FBXL18: variants seen among roughly 807,000 people sequenced by gnomAD.
FBXL18 encodes the protein F-box/LRR-repeat protein 18.
Under a neutral mutation model 46.0 loss-of-function variants are expected in FBXL18, and 36 were observed. The ratio of observed to expected loss-of-function variants is 0.78; its 90% confidence interval spans 0.60 to 1.03. The LOEUF (loss-of-function observed/expected upper bound fraction) is 1.03, where lower values mean the gene tolerates loss of function less well. FBXL18 is among the 50% of genes least tolerant of loss of function. The pLI is 0.00. For missense variants in FBXL18, 977 were observed against 1,004.1 expected (o/e 0.97, Z 0.36); for synonymous variants, 557 against 465.3 (o/e 1.20, Z -2.54).
intron 1 of FBXL18, among the ~76,000 whole-genome samples, chr7:5,506,342 G>A (rs868620419): frequency 1.3e-5 from 2 of 150,334 alleles, no homozygotes; most frequent in Admixed American, 6.7e-5. Context: ...TCCGCCTCCC[G>A]GGTTGAAGCA....
At chr7:5,511,767 C>CAAAAAA in intron 1 of FBXL18, among the ~76,000 whole-genome samples, 1 of 128,768 alleles carries the variant, frequency 7.8e-6, no homozygotes, top group Non-Finnish European at 1.6e-5. Flanking sequence ...GACTCCATCT[C>CAAAAAA]AAAAAAAAAA....
In FBXL18 at chr7:5,501,663, C is replaced by T. The variant is rs1204554615; in HGVS notation, c.606G>A (p.Glu202=). ...TSLEKLLLYF[E]ILDRTREGAI... ...CGCCCTCGCGCGTGCGGTCCAGAATCTCGAAGTAGAGCAGCAGCTTCTCTA... is the reference window on the plus strand; with the variant it reads ...CGCCCTCGCGCGTGCGGTCCAGAATTTCGAAGTAGAGCAGCAGCTTCTCTA... The change falls in exon 3 of 5, where the codon GAG becomes GAA. Residue 202 remains glutamate (E), a synonymous_variant. Transcript: ENST00000382368. 6.2e-7 allele frequency: 1 copy of T among 1,610,630 alleles called. No individual in the cohort carries two copies. Among genetic ancestry groups the T allele is most frequent in the Non-Finnish European group, 8.5e-7 (1 of 1,178,298 alleles).
At chr7:5,472,068 A>G (rs1262343079), downstream of FBXL18, among the ~76,000 whole-genome samples, 2 of 152,166 alleles carry the variant, frequency 1.3e-5, no homozygotes. Context: ...AGCCTGGGTG[A>G]CAGAGCAAGA....
chr7:5,511,353 C>T (rs571628062), intron 1 of FBXL18, among the ~76,000 whole-genome samples: 3 of 151,710 alleles, frequency 2.0e-5, no homozygotes, highest in East Asian at 1.9e-4. Context: ...CCAAGGTGGG[C>T]GGATCACCTG....
At chr7:5,510,411 C>T (rs942004117) in intron 1 of FBXL18, among the ~76,000 whole-genome samples, 2 of 151,426 alleles carry the variant, frequency 1.3e-5, no homozygotes, top group African/African-American at 2.4e-5. Context: ...GAGCCAGGCA[C>T]GGTGGCTCAC....
At chr7:5,475,613 G>A (rs1046121634), downstream of FBXL18, among the ~76,000 whole-genome samples, 3 of 152,178 alleles carry the variant, frequency 2.0e-5, no homozygotes, top group Non-Finnish European at 2.9e-5. This position sits in a 1 kb window ranked among gnomAD's most constrained non-coding sequence, Gnocchi z 4.2. Flanking sequence ...CCTGGGGAGT[G>A]TCTGCCCCCC....
At chr7:5,460,959 G>A (rs1461830734) in intron 4 of FBXL18, among the ~76,000 whole-genome samples, 1 of 152,214 alleles carries the variant, frequency 6.6e-6, no homozygotes, top group African/African-American at 2.4e-5. Context: ...GTGCTACTGG[G>A]AAACAGGGCT....
chr7:5,495,795 GA>G (rs1562695944), intron 3 of FBXL18: 1 of 473,818 alleles, frequency 2.1e-6, no homozygotes, highest in South Asian at 1.5e-5. Flanking sequence ...CCTTGCCGCA[GA>G]AGGCAGGAAT....
intron 1 of FBXL18, among the ~76,000 whole-genome samples, chr7:5,506,795 G>A (rs1173118272): frequency 6.6e-6 from 1 of 152,148 alleles, no homozygotes; most frequent in Non-Finnish European, 1.5e-5. Context: ...GGCTTCGAGT[G>A]ATCTGCCCTC....
At chr7:5,510,041 CGT>C (rs1784490057) in intron 1 of FBXL18, among the ~76,000 whole-genome samples, 1 of 152,018 alleles carries the variant, frequency 6.6e-6, no homozygotes, top group African/African-American at 2.4e-5. Context: ...GTAGCTCATG[CGT>C]GTAATTCCAG....
At chr7:5,490,025 C>T in intron 4 of FBXL18, 1 of 1,320,308 alleles carries the variant, frequency 7.6e-7, no homozygotes, top group Non-Finnish European at 1.0e-6. Context: ...GTTTTTACAA[C>T]CAGAGAGGGG....
chr7:5,472,513 G>T (rs78608366), downstream of FBXL18, among the ~76,000 whole-genome samples: 2 of 152,124 alleles, frequency 1.3e-5, no homozygotes, highest in East Asian at 3.9e-4. Context: ...GAGACCACAT[G>T]GAGAGGCCAC....
intron 1 of FBXL18, 131 bp from the exon 2 acceptor site, chr7:5,505,761 C>T (rs1159543259): frequency 2.9e-6 from 2 of 693,702 alleles, no homozygotes; most frequent in Non-Finnish European, 2.4e-6. Flanking sequence ...AAACTCTCAA[C>T]TGAATGACAA....
chr7:5,500,527 G>C lies in FBXL18; in HGVS notation c.1742C>G (p.Ser581Ter). Residue 581 changes from serine (S) to a stop codon, truncating the protein, a stop_gained, in exon 3 of 5, where the codon TCA (serine) becomes TGA (stop). Coordinates refer to ENST00000382368, the MANE Select transcript of FBXL18 (RefSeq NM_024963.6). LOFTEE classifies it high-confidence loss of function. ...CCGCTTGCAGTGCTTCAACATGTCT[G>C]AGAGCGCGGGCATGTACACCACCTT... ...MGKVVYMPAL[S>*]DMLKHCKRLR... is the part of the protein sequence containing the mutation. 1 of 1,612,412 alleles carries C rather than the reference G, an allele frequency of 6.2e-7. No homozygotes were observed. Among genetic ancestry groups the C allele is most frequent in the Non-Finnish European group, 8.5e-7 (1 of 1,179,106 alleles).
At chr7:5,460,036 G>T (rs1427640789) in intron 4 of FBXL18, among the ~76,000 whole-genome samples, 2 of 152,218 alleles carry the variant, frequency 1.3e-5, no homozygotes. Flanking sequence ...GAGGCGGAAG[G>T]CTTGCTTGAG....
At chr7:5,466,378 C>A (rs982618796) in intron 4 of FBXL18, among the ~76,000 whole-genome samples, 3 of 152,116 alleles carry the variant, frequency 2.0e-5, no homozygotes, top group Admixed American at 1.3e-4. Flanking sequence ...GGGGATGATC[C>A]CCTTTCCTGG....
chr7:5,474,726 G>C (rs1783481939), downstream of FBXL18, among the ~76,000 whole-genome samples: 1 of 132,604 alleles, frequency 7.5e-6, no homozygotes, highest in Non-Finnish European at 1.7e-5. Flanking sequence ...TTATTTATTT[G>C]AGACAGAGTC....
chr7:5,497,405 C>A (rs565264361), intron 3 of FBXL18, among the ~76,000 whole-genome samples: 1 of 152,096 alleles, frequency 6.6e-6, no homozygotes, highest in Non-Finnish European at 1.5e-5. Context: ...TCAAAGCGGC[C>A]GATCCAGGGC....
In FBXL18 at chr7:5,501,555, G is replaced by A; in HGVS notation, c.714C>T (p.Ala238=). ...CCACCTCCTGGTTGATGTAGCCGGG[G>A]GCCAGGCGCGCATAGAAGACCCGCA... The part of the protein sequence containing the change: ...QNLRVFYARL[A]PGYINQEVVR... Residue 238 remains alanine (A), a synonymous_variant, in exon 3 of 5, where the codon GCC becomes GCT. Transcript: ENST00000382368. The A allele has an allele frequency of 6.2e-7, 1 of 1,613,902 alleles. No individual in the cohort carries two copies. The highest frequency in any genetic ancestry group is 8.5e-7 in the Non-Finnish European group (1 of 1,180,020).
Sources: gnomAD v4.1 joint callset for allele counts (sites outside exome capture counted in the v4.1 genomes callset) on GRCh38, gnomAD v4.1.1 for gene constraint, Gnocchi (gnomAD v3.1) non-coding constraint, MANE v1.5 for transcripts, NCBI Gene and HGNC (gene_info 2026-07-23, HGNC 2026-07-21) for gene names.